Variants in SLC8A1 observed in about 807,000 individuals in gnomAD.
The protein encoded by SLC8A1 is sodium/calcium exchanger 1.
In SLC8A1, 18 loss-of-function variants were observed where a neutral mutation model predicts 68.3. The ratio of observed to expected loss-of-function variants is 0.26; its 90% CI spans 0.18 to 0.39. The LOEUF (loss-of-function observed/expected upper bound fraction) is 0.39, where lower values mean the gene tolerates loss of function less well. Ranked by LOEUF, SLC8A1 falls within the 10% of genes least tolerant of loss-of-function variation. SLC8A1 has a pLI of 1.00. For synonymous variants in SLC8A1, 475 were observed against 415.5 expected (o/e 1.14, Z -1.74); for missense variants, 985 against 1,156.7 (o/e 0.85, Z 2.15).
In SLC8A1 at chr2:40,441,883, A is replaced by G. The variant is rs569562122; in HGVS notation, c.-25+10021T>C. Among the ~76,000 whole-genome samples the G allele has an allele frequency of 7.9e-5, 12 of 152,220 alleles. 1 individual carries two copies. The highest frequency in any genetic ancestry group is 4.6e-4 in the Admixed American group (7 of 15,296). ...CAAAGACTTCATGACTACATCACCA[A>G]AAGCAATTCCAACAAAAGCCAAAAT... is the stretch of plus-strand genomic sequence containing the variant. On this transcript the variant is annotated intron_variant, in intron 1 of 7. Transcript: ENST00000406785.
chr2:40,159,300 G>A (rs1016948797), intron 6 of SLC8A1, among the ~76,000 whole-genome samples: 5 of 152,082 alleles, frequency 3.3e-5, no homozygotes, highest in South Asian at 2.1e-4. Flanking sequence ...TGTTGCATTC[G>A]CTGTCATGTG....
At chr2:40,108,158 T>C (rs988574049) in exon 8 of SLC8A1, 4 of 152,294 alleles carry the variant, frequency 2.6e-5, no homozygotes, top group Admixed American at 6.5e-5. Flanking sequence ...AACTGTGAAG[T>C]TGTAAAATTT....
intron 2 of SLC8A1, among the ~76,000 whole-genome samples, chr2:40,351,260 G>A (rs1210575414): frequency 6.6e-6 from 1 of 152,098 alleles, no homozygotes; most frequent in Non-Finnish European, 1.5e-5. Context: ...CTGAATAAAT[G>A]AACAAATACT....
chr2:40,126,508 G>A (rs540975165), intron 7 of SLC8A1, among the ~76,000 whole-genome samples: 1 of 152,272 alleles, frequency 6.6e-6, no homozygotes, highest in East Asian at 1.9e-4. Flanking sequence ...GAGCTCATAT[G>A]AGAGTATCAA....
chr2:40,236,931 C>A (rs1171314529), intron 2 of SLC8A1, among the ~76,000 whole-genome samples: 1 of 152,240 alleles, frequency 6.6e-6, no homozygotes, highest in African/African-American at 2.4e-5. Context: ...CATTGGCCCC[C>A]ACTCTCTTCT....
At chr2:40,492,875 G>C (rs1373605097) in intron 1 of SLC8A1, among the ~76,000 whole-genome samples, 1 of 150,804 alleles carries the variant, frequency 6.6e-6, no homozygotes, top group African/African-American at 2.4e-5. Context: ...GGAGAAATAG[G>C]AACACTTTTA....
At chr2:40,192,393 C>A (rs11887546) in intron 2 of SLC8A1, among the ~76,000 whole-genome samples, 2 of 151,870 alleles carry the variant, frequency 1.3e-5, no homozygotes, top group African/African-American at 4.8e-5. Context: ...TAACTAAAGC[C>A]TTTCAAAATT....
chr2:40,470,613 C>T (rs879913396), intron 1 of SLC8A1, among the ~76,000 whole-genome samples: 27 of 151,424 alleles, frequency 1.8e-4, no homozygotes, highest in Non-Finnish European at 3.4e-4. Context: ...TAATAAGATC[C>T]TATATTTATA....
At chr2:40,380,253 C>G (rs1253238578) in intron 2 of SLC8A1, among the ~76,000 whole-genome samples, 3 of 152,082 alleles carry the variant, frequency 2.0e-5, no homozygotes, top group Non-Finnish European at 4.4e-5. Flanking sequence ...TGATAGACAG[C>G]AAGAGTCACA....
At chr2:40,127,391 C>CAA (rs2038354407) in intron 7 of SLC8A1, among the ~76,000 whole-genome samples, 1 of 152,182 alleles carries the variant, frequency 6.6e-6, no homozygotes, top group Non-Finnish European at 1.5e-5. Flanking sequence ...AGTGCTGGTT[C>CAA]CCCTTGAGCA....
chr2:40,151,799 T>C (rs548660623), intron 6 of SLC8A1, among the ~76,000 whole-genome samples: 1 of 152,360 alleles, frequency 6.6e-6, no homozygotes, highest in Non-Finnish European at 1.5e-5. Flanking sequence ...GAATTTATCA[T>C]GTTTTCTTTA....
At chr2:40,290,053 T>A (rs1302704065) in intron 2 of SLC8A1, among the ~76,000 whole-genome samples, 1 of 152,036 alleles carries the variant, frequency 6.6e-6, no homozygotes, top group African/African-American at 2.4e-5. Flanking sequence ...GAACTTAAAA[T>A]GACATAAGTC....
intron 2 of SLC8A1, among the ~76,000 whole-genome samples, chr2:40,215,251 G>A (rs1044716235): frequency 2.0e-5 from 3 of 152,016 alleles, no homozygotes; most frequent in Admixed American, 6.6e-5. Flanking sequence ...CTGCAACCTT[G>A]AACTCCTGGA....
At chr2:40,175,650 A>C (rs2048345080) in intron 3 of SLC8A1, among the ~76,000 whole-genome samples, 1 of 152,218 alleles carries the variant, frequency 6.6e-6, no homozygotes, top group East Asian at 1.9e-4. Context: ...ATTCATTCTT[A>C]ACTTGATATG....
At chr2:40,173,172 A>G (rs417591) in intron 4 of SLC8A1, among the ~76,000 whole-genome samples, 45,808 of 151,990 alleles carry the variant, frequency 0.3, 7,866 homozygotes, top group African/African-American at 0.47. Context: ...TGCCAAATTT[A>G]TACCTTCTTC....
intron 2 of SLC8A1, among the ~76,000 whole-genome samples, chr2:40,336,864 G>A (rs1666139353): frequency 6.6e-6 from 1 of 151,994 alleles, no homozygotes; most frequent in South Asian, 2.1e-4. Flanking sequence ...TTTAACTCTG[G>A]GTGAATTAAC....
intron 2 of SLC8A1, among the ~76,000 whole-genome samples, chr2:40,253,237 G>A (rs935993902): frequency 3.4e-5 from 5 of 147,526 alleles, no homozygotes; most frequent in Admixed American, 3.4e-4. Flanking sequence ...ACATACATGT[G>A]CGTATATACA....
intron 1 of SLC8A1, among the ~76,000 whole-genome samples, chr2:40,499,796 C>G (rs1173661942): frequency 3.9e-5 from 6 of 152,080 alleles, no homozygotes; most frequent in Non-Finnish European, 1.5e-5. Flanking sequence ...GTGTCAATAA[C>G]CGAGTCAGAA....
chr2:40,338,189 T>C (rs1214421671), intron 2 of SLC8A1, among the ~76,000 whole-genome samples: 7 of 152,158 alleles, frequency 4.6e-5, no homozygotes, highest in Admixed American at 2.6e-4. Flanking sequence ...GGTAGCATCA[T>C]GCATCTTTTT....
Sources: allele counts gnomAD v4.1 joint callset (sites outside exome capture counted in the v4.1 genomes callset), GRCh38; gene constraint gnomAD v4.1.1; transcripts MANE v1.5; gene names NCBI Gene and HGNC (gene_info 2026-07-23, HGNC 2026-07-21).